PTPRD: variants seen among roughly 807,000 people sequenced by gnomAD.
PTPRD encodes the protein protein tyrosine phosphatase receptor type D.
In PTPRD, 34 loss-of-function variants were observed where a neutral mutation model predicts 214.5. The observed-to-expected ratio is 0.16, with a 90% confidence interval of 0.12 to 0.21. The LOEUF (loss-of-function observed/expected upper bound fraction) is 0.21. PTPRD is among the 10% of genes least tolerant of loss of function. PTPRD has a pLI of 1.00. For missense variants in PTPRD, 2,545 were observed against 2,398.7 expected, an observed-to-expected ratio of 1.06 and a Z score of -1.27; for synonymous variants, 1,128 against 845.7, an observed-to-expected ratio of 1.33 and a Z score of -5.79.
chr9:9,665,957 G>A (rs1253826977), intron 7 of PTPRD, among the ~76,000 whole-genome samples: 2 of 151,802 alleles, frequency 1.3e-5, no homozygotes, highest in Non-Finnish European at 3.0e-5. Flanking sequence ...AAGAGGAAAG[G>A]AATAAATTAT....
chr9:9,762,330 G>C lies in PTPRD; in HGVS notation c.-326+4480C>G, dbSNP rs529272836. Among the ~76,000 whole-genome samples the C allele has an allele frequency of 2.6e-5, 4 of 152,296 alleles. No homozygotes were observed. In the South Asian group the frequency reaches 6.2e-4, roughly 24 times the overall value. ...GATTTCAGCTGGTATAATCCCAAAA[G>C]CTCTTCTTGAAGTGACAGTCTAGCT... On this transcript the variant is annotated intron_variant, in intron 6 of 45. Transcript: ENST00000381196.
At chr9:9,342,349 G>A (rs1427350131) in intron 9 of PTPRD, among the ~76,000 whole-genome samples, 1 of 151,938 alleles carries the variant, frequency 6.6e-6, no homozygotes, top group African/African-American at 2.4e-5. Flanking sequence ...GAGAAGATGG[G>A]GAAAATAAAT....
intron 7 of PTPRD, among the ~76,000 whole-genome samples, chr9:9,717,963 A>C (rs1361079971): frequency 6.6e-6 from 1 of 152,192 alleles, no homozygotes; most frequent in African/African-American, 2.4e-5. Flanking sequence ...TGTAAATCTA[A>C]GTATAAATTC....
At chr9:9,616,824 A>T (rs756626352) in intron 7 of PTPRD, among the ~76,000 whole-genome samples, 4 of 152,198 alleles carry the variant, frequency 2.6e-5, no homozygotes, top group Non-Finnish European at 5.9e-5. Context: ...TAATTTTTTT[A>T]AAATTTCATA....
intron 7 of PTPRD, among the ~76,000 whole-genome samples, chr9:9,687,652 T>C (rs2097189396): frequency 6.6e-6 from 1 of 151,710 alleles, no homozygotes; most frequent in African/African-American, 2.4e-5. Context: ...AAAAAGATTA[T>C]GCAATCTTTA....
Position 10,271,473 on chromosome 9 carries a change from TCA to T in PTPRD, c.-545+69488_-545+69489del, listed in dbSNP as rs1491317458. On this transcript the variant is annotated intron_variant, in intron 3 of 45. Transcript: ENST00000381196. ...CAATGAAAAAATATTCTTAATTATC[TCA>T]AGTGTTTTCTTATAAATTAATAAGC... 7.0e-5 allele frequency among the ~76,000 whole-genome samples: 7 copies of T among 99,944 alleles called. No homozygotes were observed. In the East Asian group the frequency reaches 1.8e-3, roughly 26 times the overall value. 65.6% of individuals were successfully genotyped at this position (99,944 alleles called of 152,430 possible). A position where few individuals can be genotyped will look rare whatever the true frequency, so the allele number is the denominator to read the frequency against.
chr9:8,882,232 C>A (rs1290155333), intron 11 of PTPRD, among the ~76,000 whole-genome samples: 2 of 152,138 alleles, frequency 1.3e-5, no homozygotes, highest in African/African-American at 4.8e-5. Flanking sequence ...CATTTCATTT[C>A]TCCTGGATTA....
In PTPRD at chr9:8,316,836, G is replaced by A. The variant is rs544469332; in HGVS notation, c.*1038C>T. 7.9e-4 allele frequency: 183 copies of A among 230,920 alleles called. No individual in the cohort carries two copies. Among genetic ancestry groups the A allele is most frequent in the Middle Eastern group, 1.3e-3 (1 of 774 alleles). The allele number at this position is 230,920 out of a possible 1,614,324, so 14.3% of individuals were successfully genotyped here. ...ATATGTCAAAAAATTAAGAATAAAT[G>A]GAAAGAGATGTTTACAATAGCTTTT... On this transcript the variant is annotated 3_prime_UTR_variant, in exon 46 of 46. Transcript: ENST00000381196.
chr9:8,709,209 G>A (rs1001432554), intron 12 of PTPRD, among the ~76,000 whole-genome samples: 3 of 152,066 alleles, frequency 2.0e-5, no homozygotes, highest in African/African-American at 7.2e-5. Context: ...ATGTGATACT[G>A]CATTCTTCAA....
chr9:9,479,796 A>G (rs2095322739), intron 8 of PTPRD, among the ~76,000 whole-genome samples: 1 of 152,146 alleles, frequency 6.6e-6, no homozygotes, highest in South Asian at 2.1e-4. Flanking sequence ...TCTCAGGAAG[A>G]TACAAATTAT....
At chr9:8,732,648 A>C (rs1027480635) in intron 12 of PTPRD, among the ~76,000 whole-genome samples, 1 of 152,206 alleles carries the variant, frequency 6.6e-6, no homozygotes, top group African/African-American at 2.4e-5. Flanking sequence ...TAACCAGAGA[A>C]TGTTGTGCTT....
intron 5 of PTPRD, among the ~76,000 whole-genome samples, chr9:9,871,045 A>AG (rs1180545355): frequency 1.3e-5 from 2 of 152,220 alleles, no homozygotes; most frequent in African/African-American, 4.8e-5. Flanking sequence ...CCCTTGAATC[A>AG]GAAAGGATAA....
At chr9:9,135,353 T>G (rs988169082) in intron 10 of PTPRD, among the ~76,000 whole-genome samples, 1 of 152,202 alleles carries the variant, frequency 6.6e-6, no homozygotes, top group African/African-American at 2.4e-5. Flanking sequence ...AGAGAAACAT[T>G]TAACCTCCCT....
At chr9:9,590,510 T>C (rs2092615757) in intron 7 of PTPRD, among the ~76,000 whole-genome samples, 2 of 152,216 alleles carry the variant, frequency 1.3e-5, no homozygotes, top group South Asian at 4.1e-4. Flanking sequence ...TTCTTATTTC[T>C]AATGTATTTT....
intron 8 of PTPRD, among the ~76,000 whole-genome samples, chr9:9,542,462 A>C (rs2077818590): frequency 6.6e-6 from 1 of 151,780 alleles, no homozygotes; most frequent in Non-Finnish European, 1.5e-5. Flanking sequence ...AGTTATATTG[A>C]ATTTCATCAA....
At chr9:9,560,730 G>C (rs2082705375) in intron 8 of PTPRD, among the ~76,000 whole-genome samples, 1 of 152,130 alleles carries the variant, frequency 6.6e-6, no homozygotes, top group Non-Finnish European at 1.5e-5. Context: ...CTGGGGCCGT[G>C]GGCAGGTGAA....
chr9:8,773,350 C>G (rs1057293186), intron 11 of PTPRD, among the ~76,000 whole-genome samples: 2 of 152,170 alleles, frequency 1.3e-5, no homozygotes, highest in African/African-American at 4.8e-5. Context: ...CTTCCCAACT[C>G]AGGAGTTTGC....
chr9:10,501,384 AT>A (rs1364912958), intron 2 of PTPRD, among the ~76,000 whole-genome samples: 5 of 151,762 alleles, frequency 3.3e-5, no homozygotes, highest in Non-Finnish European at 5.9e-5. Flanking sequence ...TTTAAATCAG[AT>A]TTTTTTCTAT....
At chr9:8,409,997 G>C (rs1448088640) in intron 35 of PTPRD, among the ~76,000 whole-genome samples, 1 of 152,102 alleles carries the variant, frequency 6.6e-6, no homozygotes, top group East Asian at 1.9e-4. Flanking sequence ...AGTGTGGTTG[G>C]CTCTGAGATA....
Sources: allele counts gnomAD v4.1 joint callset (sites outside exome capture counted in the v4.1 genomes callset), GRCh38; gene constraint gnomAD v4.1.1; transcripts MANE v1.5; gene names NCBI Gene and HGNC (gene_info 2026-07-23, HGNC 2026-07-21).